Variants in LAMA3 observed in about 807,000 individuals in gnomAD.
The protein encoded by LAMA3 is laminin subunit alpha 3, also known as laminin subunit alpha-3.
In LAMA3, 281 loss-of-function variants were observed where a neutral mutation model predicts 402.0. That is an observed-to-expected ratio of 0.70 (90% CI 0.63 to 0.77). LAMA3 has a LOEUF of 0.77. Ranked by LOEUF, LAMA3 falls within the 30% of genes least tolerant of loss-of-function variation. LAMA3 has a pLI of 0.00. For synonymous variants in LAMA3, 1,431 were observed against 1,558.4 expected (o/e 0.92, Z 1.93); for missense variants, 3,840 against 4,215.5 (o/e 0.91, Z 2.47).
intron 2 of LAMA3, among the ~76,000 whole-genome samples, chr18:23,746,666 A>G (rs1478654564): frequency 6.6e-6 from 1 of 152,112 alleles, no homozygotes; most frequent in African/African-American, 2.4e-5. Context: ...TATTAAATGA[A>G]TTAATAGTAT....
At chr18:23,897,705 C>T (rs1242751175) in intron 44 of LAMA3, among the ~76,000 whole-genome samples, 1 of 152,224 alleles carries the variant, frequency 6.6e-6, no homozygotes, top group African/African-American at 2.4e-5. Context: ...TATATAATGA[C>T]TTGCCTCCCT....
intron 57 of LAMA3, 67 bp downstream of exon 57, chr18:23,914,628 T>A: frequency 2.5e-6 from 4 of 1,604,462 alleles, no homozygotes; most frequent in Non-Finnish European, 3.4e-6. Flanking sequence ...TGAACCCCAT[T>A]TTTAGTGGCT....
Position 23,773,562 on chromosome 18 carries a change from A to C in LAMA3, c.1248A>C (p.Pro416=). 6.3e-7 allele frequency: 1 copy of C among 1,593,670 alleles called. No individual in the cohort carries two copies. The highest frequency in any genetic ancestry group is 8.6e-7 in the Non-Finnish European group (1 of 1,167,402). The change falls in exon 9 of 75, where the codon CCA becomes CCC. Residue 416 remains proline (P), a synonymous_variant. Coordinates refer to ENST00000313654, the MANE Select transcript of LAMA3 (RefSeq NM_198129.4). The stretch of plus-strand genomic sequence containing the variant: ...GCTATTACCGCCCTTATGGGGTTCC[A>C]GTGGATGCCCCTGATGGCTGCATCC... ...AKGYYRPYGV[P]VDAPDGCIPC...
intron 44 of LAMA3, 27 bp downstream of exon 44, chr18:23,895,085 C>CA (rs763675773): frequency 3.8e-6 from 6 of 1,567,064 alleles, no homozygotes; most frequent in Non-Finnish European, 5.2e-6. Context: ...CGAGAGTAGA[C>CA]ACGTGGGGAG....
chr18:23,762,320 G>A lies in LAMA3; in HGVS notation c.1064-1085G>A, dbSNP rs188739729. On this transcript the variant is annotated intron_variant, in intron 7 of 74. Coordinates refer to ENST00000313654, the MANE Select transcript of LAMA3 (RefSeq NM_198129.4). ...AGGTTACTTAATGGCTGGGCGAGGT[G>A]GCTCATGCTTGTAATCCCAGCACTT... Among the ~76,000 whole-genome samples, 3 of 152,290 alleles carry A rather than the reference G, an allele frequency of 2.0e-5. No individual in the cohort carries two copies. The East Asian group carries it at 5.8e-4, about 29-fold the overall frequency.
chr18:23,850,837 C>G (rs1271546890), intron 32 of LAMA3, among the ~76,000 whole-genome samples: 1 of 152,224 alleles, frequency 6.6e-6, no homozygotes, highest in Non-Finnish European at 1.5e-5. Context: ...CGTGAGGAAG[C>G]TGGAGATCCC....
chr18:23,791,702 C>G (rs959465257), intron 12 of LAMA3, among the ~76,000 whole-genome samples: 2 of 146,350 alleles, frequency 1.4e-5, no homozygotes, highest in African/African-American at 5.1e-5. Flanking sequence ...CCACTGGACT[C>G]CAGCCTGAAC....
At chr18:23,754,682 A>T (rs528776435) in intron 6 of LAMA3, among the ~76,000 whole-genome samples, 15 of 152,192 alleles carry the variant, frequency 9.9e-5, no homozygotes, top group Admixed American at 2.0e-4. Context: ...TATATTTTGC[A>T]TACAATAATA....
chr18:23,808,457 C>T (rs1349879733), intron 12 of LAMA3, among the ~76,000 whole-genome samples: 2 of 152,082 alleles, frequency 1.3e-5, no homozygotes, highest in Non-Finnish European at 2.9e-5. Context: ...GGAAGGCTAA[C>T]TATATGTGTT....
intron 13 of LAMA3, among the ~76,000 whole-genome samples, chr18:23,812,265 C>T (rs2063088932): frequency 6.6e-6 from 1 of 152,122 alleles, no homozygotes; most frequent in Non-Finnish European, 1.5e-5. Flanking sequence ...TCACTTGAGC[C>T]CAGGCATTGG....
rs1304080739 is a variant in LAMA3 at position 23,905,537 on chromosome 18, G to C, written c.6631G>C (p.Asp2211His). 1 of 1,602,002 alleles carries C rather than the reference G, an allele frequency of 6.2e-7. No individual in the cohort carries two copies. Among genetic ancestry groups the C allele is most frequent in the Non-Finnish European group, 8.6e-7 (1 of 1,169,538 alleles). ...ESALQTVIKE[D>H]LPRKAKTLSS... Reference sequence around the variant, plus strand: ...TTGCTTTCAGACAGTGATAAAGGAAGATCTGCCAAGAAAAGCTAAAACCCT... The same window carrying C: ...TTGCTTTCAGACAGTGATAAAGGAACATCTGCCAAGAAAAGCTAAAACCCT... Residue 2211 changes from aspartate (D) to histidine (H), a missense_variant, in exon 52 of 75, where the codon GAT becomes CAT. Asp to His is a moderately conservative substitution (Grantham distance 81). Transcript: ENST00000313654.
rs577429291 is a variant in LAMA3 at position 23,860,124 on chromosome 18, C to A, written c.4422+1295C>A. ...CTGTGCCAGAAACTGGTAGTAATAGCCAAATCCGCATCTCTCATGATGTCT... is the reference window on the plus strand; with the variant it reads ...CTGTGCCAGAAACTGGTAGTAATAGACAAATCCGCATCTCTCATGATGTCT... On this transcript the variant is annotated intron_variant, in intron 34 of 74. Transcript: ENST00000313654. Among the ~76,000 whole-genome samples the A allele has an allele frequency of 3.9e-5, 6 of 152,282 alleles. No individual in the cohort carries two copies. The South Asian group carries it at 6.2e-4, about 16-fold the overall frequency.
chr18:23,898,830 T>G lies in LAMA3; in HGVS notation c.5706T>G (p.Phe1902Leu). The change falls in exon 45 of 75, where the codon TTT becomes TTG. Residue 1902 changes from phenylalanine to leucine, a missense_variant. By Grantham distance (22) the Phe-to-Leu change is conservative (BLOSUM62 0). This residue lies in a region of LAMA3 where 891 missense variants were observed against 857.5 expected (regional missense o/e 1.04). Coordinates refer to ENST00000313654, the MANE Select transcript of LAMA3 (RefSeq NM_198129.4). ...AACTGACTGATTTGAATCAAGAATTTGAGACTTTGCAAGAAAAGGTAATGT... is the reference window on the plus strand; with the variant it reads ...AACTGACTGATTTGAATCAAGAATTGGAGACTTTGCAAGAAAAGGTAATGT... Reference protein sequence around the residue: ...ERELTDLNQEFETLQEKAQVN... With the variant: ...ERELTDLNQELETLQEKAQVN... The G allele has an allele frequency of 6.2e-7, 1 of 1,608,862 alleles. No homozygotes were observed. The highest frequency in any genetic ancestry group is 8.5e-7 in the Non-Finnish European group (1 of 1,175,224).
At chr18:23,776,265 C>T (rs767352062) in intron 10 of LAMA3, among the ~76,000 whole-genome samples, 1 of 152,114 alleles carries the variant, frequency 6.6e-6, no homozygotes, top group Non-Finnish European at 1.5e-5. Flanking sequence ...TATTTATCTG[C>T]ATGCATATAG....
intron 5 of LAMA3, among the ~76,000 whole-genome samples, chr18:23,751,884 A>G (rs2061758416): frequency 6.6e-6 from 1 of 152,148 alleles, no homozygotes. Flanking sequence ...CAAAGCAAAC[A>G]AGAAGCCAGA....
chr18:23,764,245 C>T (rs2062031594), intron 8 of LAMA3, among the ~76,000 whole-genome samples: 1 of 152,126 alleles, frequency 6.6e-6, no homozygotes, highest in Admixed American at 6.5e-5. Flanking sequence ...TCTCCCCCCT[C>T]CATACTTTTA....
Position 23,914,762 on chromosome 18 carries a change from G to C in LAMA3, c.7546G>C (p.Gly2516Arg). Residue 2516 changes from glycine to arginine, a missense_variant, in exon 58 of 75, where the codon GGA becomes CGA. By Grantham distance (125) the Gly-to-Arg change is moderately radical. Coordinates refer to ENST00000313654, the MANE Select transcript of LAMA3 (RefSeq NM_198129.4). The part of the protein sequence containing the change: ...GATSSKPETP[G>R]VYDMDGRNSN... Reference sequence around the variant, plus strand: ...CACATCCAGTAAACCAGAAACACCCGGAGTCTATGACATGGATGGTAGAAA... The same window carrying C: ...CACATCCAGTAAACCAGAAACACCCCGAGTCTATGACATGGATGGTAGAAA... The C allele has an allele frequency of 1.2e-6, 2 of 1,613,164 alleles. No homozygotes were observed. Among genetic ancestry groups the C allele is most frequent in the Non-Finnish European group, 1.7e-6 (2 of 1,179,234 alleles).
At chr18:23,724,421 C>T (rs1009463525) in intron 2 of LAMA3, among the ~76,000 whole-genome samples, 2 of 152,142 alleles carry the variant, frequency 1.3e-5, no homozygotes, top group African/African-American at 4.8e-5. Flanking sequence ...TTGGAGTTTT[C>T]CTGATGTCCT....
intron 23 of LAMA3, among the ~76,000 whole-genome samples, chr18:23,828,538 T>C (rs2063430344): frequency 6.6e-6 from 1 of 152,124 alleles, no homozygotes; most frequent in Non-Finnish European, 1.5e-5. Flanking sequence ...TACATACATA[T>C]ATACATAAAA....
Sources: allele counts gnomAD v4.1 joint callset (sites outside exome capture counted in the v4.1 genomes callset), GRCh38; gene constraint gnomAD v4.1.1; regional missense constraint gnomAD v4.1.1; transcripts MANE v1.5; gene names NCBI Gene and HGNC (gene_info 2026-07-23, HGNC 2026-07-21).